NOD1: variants seen among roughly 807,000 people sequenced by gnomAD.
NOD1 encodes nucleotide binding oligomerization domain containing 1.
NOD1 carries 70 observed loss-of-function variants against 81.2 expected under a neutral mutation model. The observed-to-expected ratio is 0.86, with a 90% CI of 0.71 to 1.05. NOD1 has a LOEUF of 1.05. NOD1 is among the 50% of genes least tolerant of loss of function. The pLI is 0.00. For missense variants in NOD1, 1,233 were observed against 1,228.0 expected, an observed-to-expected ratio of 1.00 and a Z score of -0.06; for synonymous variants, 508 against 526.9, an observed-to-expected ratio of 0.96 and a Z score of 0.49.
At position 30,456,971 on chromosome 7, in the gene NOD1, G is replaced by A. The variant is rs749727287; in HGVS notation, c.-50C>T. 6.6e-7 allele frequency: 1 copy of A among 1,514,788 alleles called. No homozygotes were observed. Among genetic ancestry groups the A allele is most frequent in the Non-Finnish European group, 9.2e-7 (1 of 1,090,452 alleles). The allele number at this position is 1,514,788 out of a possible 1,614,324, so 93.8% of individuals were successfully genotyped here. ...TTCCCAAATTCATCTTCAGCTGCGT[G>A]TGTCCTCTCAGCAGAAGGGCAATCA... On this transcript the variant is annotated 5_prime_UTR_variant, in exon 4 of 14. Transcript: ENST00000222823.
chr7:30,437,326 C>CAT (rs1297097817), intron 10 of NOD1, among the ~76,000 whole-genome samples: 1 of 152,142 alleles, frequency 6.6e-6, no homozygotes, highest in Admixed American at 6.5e-5. Context: ...ATCACCATGG[C>CAT]ATGCATTTGC....
In NOD1 at chr7:30,451,492, C is replaced by T; in HGVS notation, c.1925G>A (p.Ser642Asn). The T allele has an allele frequency of 6.2e-7, 1 of 1,613,228 alleles. No individual in the cohort carries two copies. The highest frequency in any genetic ancestry group is 8.5e-7 in the Non-Finnish European group (1 of 1,179,944). ...GGGCATGGCCTGCACCTGGTTGAAG[C>T]TTTCGACCTGAACGCGGGGCAGGCT... ...LKSLPRVQVESFNQVQAMPTF... is the reference protein window; with the variant it reads ...LKSLPRVQVENFNQVQAMPTF... Residue 642 changes from serine (S) to asparagine (N), a missense_variant, in exon 6 of 14, where the codon AGC becomes AAC. Coordinates refer to ENST00000222823, the MANE Select transcript of NOD1 (RefSeq NM_006092.4). This position sits in a 1 kb window ranked among gnomAD's most constrained non-coding sequence, Gnocchi z 4.2.
chr7:30,470,481 C>T (rs1331077727), intron 1 of NOD1, among the ~76,000 whole-genome samples: 2 of 152,240 alleles, frequency 1.3e-5, no homozygotes, highest in African/African-American at 4.8e-5. Context: ...GCAGGTGCTT[C>T]ATCATGTCCA....
At chr7:30,475,237 A>G (rs111802784) in intron 1 of NOD1, among the ~76,000 whole-genome samples, 4,119 of 152,278 alleles carry the variant, frequency 0.027, 199 homozygotes, top group African/African-American at 0.094. Context: ...TATCTACCAA[A>G]TGACTACATT....
rs559432016 is a variant in NOD1, at chr7:30,473,519, A to G, written c.-352+5087T>C. Among the ~76,000 whole-genome samples, 27 of 152,148 alleles carry G rather than the reference A, an allele frequency of 1.8e-4. No homozygotes were observed. In the South Asian group the frequency reaches 5.4e-3, roughly 30 times the overall value. ...TATCTCAAAACTAACATTGCAACCC[A>G]CTCTAATAATGTTAGTCAATATCGG... On this transcript the variant is annotated intron_variant, in intron 1 of 13. Transcript: ENST00000222823.
intron 4 of NOD1, among the ~76,000 whole-genome samples, chr7:30,455,828 C>CT (rs939126978): frequency 1.5e-4 from 23 of 152,144 alleles, no homozygotes; most frequent in African/African-American, 5.3e-4. Flanking sequence ...TCTCAAACTC[C>CT]TGACCTTAGG....
chr7:30,465,235 G>C (rs2128093849), intron 1 of NOD1, among the ~76,000 whole-genome samples: 1 of 152,328 alleles, frequency 6.6e-6, no homozygotes, highest in South Asian at 2.1e-4. Flanking sequence ...CTCTCAGGGA[G>C]TTTGAATTTG....
chr7:30,458,585 C>A (rs1158116548), intron 3 of NOD1, among the ~76,000 whole-genome samples: 1 of 152,008 alleles, frequency 6.6e-6, no homozygotes, highest in African/African-American at 2.4e-5. Context: ...CACACAATAG[C>A]TTTCTTTTTA....
At chr7:30,432,201 G>C (rs1008392188) in intron 12 of NOD1, among the ~76,000 whole-genome samples, 1 of 152,100 alleles carries the variant, frequency 6.6e-6, no homozygotes, top group Non-Finnish European at 1.5e-5. Flanking sequence ...TGCAAAACCT[G>C]TATCTAGTAA....
chr7:30,430,380 A>G (rs1783844410), intron 12 of NOD1, among the ~76,000 whole-genome samples: 1 of 152,226 alleles, frequency 6.6e-6, no homozygotes, highest in Non-Finnish European at 1.5e-5. Flanking sequence ...TAACCCAACC[A>G]GGAAATAAAT....
intron 3 of NOD1, among the ~76,000 whole-genome samples, chr7:30,457,619 A>AT (rs1159514587): frequency 5.9e-5 from 9 of 152,162 alleles, no homozygotes; most frequent in African/African-American, 2.2e-4. Context: ...CTTTGATCCT[A>AT]TACTGGGATA....
In NOD1 at chr7:30,456,808, CTG is replaced by C. The variant is rs754004150; in HGVS notation, c.112_113del (p.Gln38ValfsTer10). 6.2e-7 allele frequency: 1 copy of C among 1,614,190 alleles called. No homozygotes were observed. The highest frequency in any genetic ancestry group is 8.5e-7 in the Non-Finnish European group (1 of 1,180,018). ...ELLVTHIRNT[Q>X]CLVDNLLKND... ...TCTTCAGCAAGTTGTCCACCAGACA[CTG>C]AGTATTGCGGATGTGAGTGACCAGA... On this transcript the variant is annotated frameshift_variant, in exon 4 of 14. Coordinates refer to ENST00000222823, the MANE Select transcript of NOD1 (RefSeq NM_006092.4). LOFTEE classifies it high-confidence loss of function.
intron 10 of NOD1, 104 bp downstream of exon 10, chr7:30,437,469 G>C: frequency 1.5e-6 from 1 of 649,556 alleles, no homozygotes; most frequent in South Asian, 3.1e-5. Context: ...AATCACACAT[G>C]CAAATTCCTC....
chr7:30,435,938 A>G (rs1784342325), intron 11 of NOD1, 60 bp downstream of exon 11: 4 of 1,419,962 alleles, frequency 2.8e-6, no homozygotes, highest in Non-Finnish European at 4.0e-6. Flanking sequence ...AGCCTGGACG[A>G]CAAAGCAAGA....
chr7:30,433,734 G>A (rs1225082431), intron 11 of NOD1, among the ~76,000 whole-genome samples: 2 of 152,114 alleles, frequency 1.3e-5, no homozygotes, highest in Non-Finnish European at 1.5e-5. Context: ...AAGCTCCTTG[G>A]TGTAAACAGG....
intron 3 of NOD1, among the ~76,000 whole-genome samples, chr7:30,457,450 C>G (rs570635985): frequency 2.4e-4 from 37 of 151,732 alleles, no homozygotes; most frequent in African/African-American, 8.9e-4. Context: ...GGCCCTGTCT[C>G]TAAAAAAACT....
At chr7:30,428,205 G>T (rs1438223905) in intron 13 of NOD1, among the ~76,000 whole-genome samples, 1 of 152,050 alleles carries the variant, frequency 6.6e-6, no homozygotes, top group African/African-American at 2.4e-5. Context: ...TGAGTAGCTG[G>T]GACTACAGGC....
intron 13 of NOD1, among the ~76,000 whole-genome samples, chr7:30,426,445 T>G (rs1210374562): frequency 6.6e-6 from 1 of 151,558 alleles, no homozygotes; most frequent in African/African-American, 2.4e-5. Flanking sequence ...GGAACCTCTA[T>G]GTCTTTGGCC....
At chr7:30,447,215 A>G (rs1785202489) in intron 7 of NOD1, 165 bp from the exon 8 acceptor site, 2 of 1,127,442 alleles carry the variant, frequency 1.8e-6, no homozygotes, top group African/African-American at 3.1e-5. Flanking sequence ...CTCAGGTTCA[A>G]AACCAGCTCC....
Sources: allele counts gnomAD v4.1 joint callset (sites outside exome capture counted in the v4.1 genomes callset), GRCh38; gene constraint gnomAD v4.1.1; non-coding constraint Gnocchi (gnomAD v3.1); transcripts MANE v1.5; gene names NCBI Gene and HGNC (gene_info 2026-07-23, HGNC 2026-07-21).